Variants in CNTN5 observed in about 807,000 individuals in gnomAD.
CNTN5 encodes contactin 5.
A neutral mutation model predicts 129.1 loss-of-function variants in CNTN5; 77 were observed. The observed-to-expected ratio is 0.60, with a 90% CI of 0.50 to 0.72. The LOEUF (loss-of-function observed/expected upper bound fraction) is 0.72. CNTN5 is among the 30% of genes least tolerant of loss of function. The probability of loss-of-function intolerance (pLI) is 0.00; values close to 1 mark genes in which losing one functional copy is unlikely to be tolerated. For missense variants in CNTN5, 1,478 were observed against 1,328.8 expected (o/e 1.11, Z -1.75); for synonymous variants, 509 against 465.6 (o/e 1.09, Z -1.20).
At chr11:100,083,507 AG>A (rs1433124622) in intron 13 of CNTN5, among the ~76,000 whole-genome samples, 1 of 152,086 alleles carries the variant, frequency 6.6e-6, no homozygotes, top group Admixed American at 6.6e-5. Flanking sequence ...ATTTCAACAT[AG>A]GGTTTGGAGG....
At chr11:99,986,861 G>A (rs1032368381) in intron 8 of CNTN5, among the ~76,000 whole-genome samples, 1 of 151,934 alleles carries the variant, frequency 6.6e-6, no homozygotes, top group African/African-American at 2.4e-5. Flanking sequence ...ATAAAGTAAT[G>A]GCAATTAGAA....
intron 3 of CNTN5, among the ~76,000 whole-genome samples, chr11:99,755,642 T>C (rs970244522): frequency 9.9e-5 from 15 of 152,080 alleles, no homozygotes; most frequent in Admixed American, 5.9e-4. Flanking sequence ...TTTTTGCAAA[T>C]ATTTTCTTCC....
rs1300903319 is a variant in CNTN5 at position 99,821,843 on chromosome 11, T to C, written c.277+2078T>C. Among the ~76,000 whole-genome samples, 4 of 152,206 alleles carry C rather than the reference T, an allele frequency of 2.6e-5. No individual in the cohort carries two copies. The East Asian group carries it at 7.7e-4, about 29-fold the overall frequency. Reference sequence around the variant, plus strand: ...TGATACTTACTGAGTGGCAAGGCTCTAGGCTGGTAACCAATTTAATATCAT... The same window carrying C: ...TGATACTTACTGAGTGGCAAGGCTCCAGGCTGGTAACCAATTTAATATCAT... On this transcript the variant is annotated intron_variant, in intron 4 of 24. Transcript: ENST00000524871.
At chr11:99,193,465 T>A (rs1858746237) in intron 1 of CNTN5, among the ~76,000 whole-genome samples, 1 of 152,128 alleles carries the variant, frequency 6.6e-6, no homozygotes, top group African/African-American at 2.4e-5. Flanking sequence ...GGCACAGTTG[T>A]CTTGTTGATA....
At chr11:99,522,843 G>A (rs1263987174) in intron 2 of CNTN5, among the ~76,000 whole-genome samples, 2 of 152,032 alleles carry the variant, frequency 1.3e-5, no homozygotes, top group Admixed American at 1.3e-4. Context: ...TCCTCTCCTT[G>A]TAACTAATGC....
At chr11:99,392,397 T>C (rs764473405) in intron 2 of CNTN5, among the ~76,000 whole-genome samples, 28 of 151,854 alleles carry the variant, frequency 1.8e-4, no homozygotes, top group South Asian at 1.7e-3. Flanking sequence ...CCCTCCTTCA[T>C]AGGATTTAGA....
At chr11:99,112,049 T>C (rs912999452) in intron 1 of CNTN5, among the ~76,000 whole-genome samples, 9 of 152,052 alleles carry the variant, frequency 5.9e-5, no homozygotes, top group Non-Finnish European at 1.3e-4. Context: ...ATAAAATAGA[T>C]TAGTACAGTA....
At chr11:100,161,872 C>CAAAAAA (rs1555025978) in intron 13 of CNTN5, among the ~76,000 whole-genome samples, 5 of 127,620 alleles carry the variant, frequency 3.9e-5, no homozygotes, top group African/African-American at 1.5e-4. Flanking sequence ...CACACACACA[C>CAAAAAA]AAAACAAAAA....
At chr11:99,807,398 A>G (rs905633984) in intron 3 of CNTN5, among the ~76,000 whole-genome samples, 1 of 152,214 alleles carries the variant, frequency 6.6e-6, no homozygotes, top group Non-Finnish European at 1.5e-5. Flanking sequence ...TATGACAGAT[A>G]AATTCATCTA....
intron 23 of CNTN5, among the ~76,000 whole-genome samples, chr11:100,343,340 A>C (rs1159981321): frequency 6.6e-6 from 1 of 152,184 alleles, no homozygotes; most frequent in Admixed American, 6.6e-5. Flanking sequence ...TTCGTATAAA[A>C]GGAGTCTGCT....
intron 9 of CNTN5, among the ~76,000 whole-genome samples, chr11:100,040,346 G>A (rs557718777): frequency 4.7e-4 from 71 of 152,278 alleles, no homozygotes; most frequent in African/African-American, 1.7e-3. Context: ...TCTCAGAAGA[G>A]TACCTGGCCG....
intron 18 of CNTN5, among the ~76,000 whole-genome samples, chr11:100,279,520 T>A (rs1950586039): frequency 6.6e-6 from 1 of 151,956 alleles, no homozygotes; most frequent in East Asian, 1.9e-4. Context: ...GTTTTGAATT[T>A]ATTCATAGTT....
intron 2 of CNTN5, among the ~76,000 whole-genome samples, chr11:99,341,568 A>G (rs959490412): frequency 2.6e-5 from 4 of 152,196 alleles, no homozygotes; most frequent in African/African-American, 9.6e-5. Flanking sequence ...TGGAATAATC[A>G]GAATATTTAC....
intron 13 of CNTN5, among the ~76,000 whole-genome samples, chr11:100,185,826 C>T (rs1425532098): frequency 6.6e-6 from 1 of 152,164 alleles, no homozygotes; most frequent in Non-Finnish European, 1.5e-5. Flanking sequence ...CAGCAATCTG[C>T]AAGCCAGGAA....
In CNTN5 at chr11:99,262,610, TTC is replaced by T. The variant is rs200552419; in HGVS notation, c.-209-62728_-209-62727del. ...TAGACTTCTTTGTTTCTTTTTTTTT[TTC>T]TCTCTCTTTTTTTTGCTTCATTATA... is the stretch of plus-strand genomic sequence containing the variant. On this transcript the variant is annotated intron_variant, in intron 1 of 24. Transcript: ENST00000524871. Among the ~76,000 whole-genome samples the T allele has an allele frequency of 2.7e-5, 4 of 148,894 alleles. No homozygotes were observed. In the South Asian group the frequency reaches 8.7e-4, roughly 32 times the overall value.
intron 13 of CNTN5, among the ~76,000 whole-genome samples, chr11:100,177,336 C>T (rs1326735599): frequency 1.3e-5 from 2 of 152,070 alleles, no homozygotes; most frequent in African/African-American, 4.8e-5. Context: ...CTGTATTTCC[C>T]CCTTTCCAGA....
chr11:99,767,210 C>A (rs1021899012), intron 3 of CNTN5, among the ~76,000 whole-genome samples: 4 of 152,058 alleles, frequency 2.6e-5, no homozygotes, highest in Non-Finnish European at 5.9e-5. Flanking sequence ...CTATAACATA[C>A]ATTCACTTTA....
At chr11:99,094,570 C>T (rs896868654) in intron 1 of CNTN5, among the ~76,000 whole-genome samples, 1 of 151,722 alleles carries the variant, frequency 6.6e-6, no homozygotes, top group African/African-American at 2.4e-5. Flanking sequence ...GATAAGACAG[C>T]GCTAACATGT....
chr11:99,087,900 G>T (rs1866065210), intron 1 of CNTN5, among the ~76,000 whole-genome samples: 1 of 152,152 alleles, frequency 6.6e-6, no homozygotes, highest in Non-Finnish European at 1.5e-5. Flanking sequence ...AACCTATGTG[G>T]CCACAGAGTC....
Sources: allele counts gnomAD v4.1 joint callset (sites outside exome capture counted in the v4.1 genomes callset), GRCh38; gene constraint gnomAD v4.1.1; transcripts MANE v1.5; gene names NCBI Gene and HGNC (gene_info 2026-07-23, HGNC 2026-07-21).